The following DOK6 variants were observed in gnomAD, a reference collection of about 807,000 sequenced individuals.
The protein encoded by DOK6 is downstream of tyrosine kinase 6.
Under a neutral mutation model 44.0 loss-of-function variants are expected in DOK6, and 22 were observed. The observed-to-expected ratio is 0.50, with a 90% CI of 0.36 to 0.71. The LOEUF is 0.71. DOK6 is among the 30% of genes least tolerant of loss of function. DOK6 has a pLI of 0.00. For missense variants in DOK6, 340 were observed against 416.4 expected, an observed-to-expected ratio of 0.82 and a Z score of 1.60; for synonymous variants, 166 against 145.5, an observed-to-expected ratio of 1.14 and a Z score of -1.01.
chr18:69,660,816 A>C (rs59735809), intron 3 of DOK6: 1 of 151,700 alleles, frequency 6.6e-6, no homozygotes, highest in African/African-American at 2.4e-5. Context: ...GACTACAGGC[A>C]CCCACCACCA....
chr18:69,584,013 C>T (rs1983433785), intron 2 of DOK6, among the ~76,000 whole-genome samples: 2 of 146,898 alleles, frequency 1.4e-5, no homozygotes, highest in Admixed American at 1.4e-4. Context: ...GAGGCTGAGG[C>T]AGGAGAATGG....
intron 1 of DOK6, among the ~76,000 whole-genome samples, chr18:69,463,782 T>TCTGTGCAAATGTGTGTGTGC (rs1979853818): frequency 1.3e-5 from 2 of 152,036 alleles, no homozygotes; most frequent in Admixed American, 1.3e-4. Flanking sequence ...TGTGTGTGTG[T>TCTGTGCAAATGTGTGTGTGC]CTGTGCAAAT....
chr18:69,447,453 T>C (rs959051324), intron 1 of DOK6, among the ~76,000 whole-genome samples: 6 of 152,186 alleles, frequency 3.9e-5, no homozygotes, highest in African/African-American at 1.4e-4. Context: ...TTTTGGTTAC[T>C]GTAGCCTTGT....
chr18:69,713,171 G>A lies in DOK6; in HGVS notation c.599+14578G>A, dbSNP rs566570420. Among the ~76,000 whole-genome samples the A allele has an allele frequency of 3.5e-4, 54 of 152,220 alleles. 1 individual carries two copies. The highest frequency in any genetic ancestry group is 2.1e-4 in the South Asian group (1 of 4,824). On this transcript the variant is annotated intron_variant, in intron 5 of 7. Transcript: ENST00000382713. ...TTGAATGAGAAAGCTATTATTTATC[G>A]TTTTAAAATCATGATTAATCCAGTT...
intron 1 of DOK6, among the ~76,000 whole-genome samples, chr18:69,435,162 C>A (rs957778968): frequency 1.3e-5 from 2 of 152,028 alleles, no homozygotes; most frequent in Non-Finnish European, 1.5e-5. Flanking sequence ...CGGTCTTAGC[C>A]TGCTCCACAG....
At position 69,452,300 on chromosome 18, in the gene DOK6, C is replaced by G. The variant is rs755995191; in HGVS notation, c.66+50990C>G. Among the ~76,000 whole-genome samples the G allele has an allele frequency of 1.5e-3, 224 of 151,200 alleles. 2 individuals are homozygous for G. Among genetic ancestry groups the G allele is most frequent in the Non-Finnish European group, 2.7e-3 (184 of 67,884 alleles). ...CTACAAACACCTCTACGCAAATAAA[C>G]TAGAAAATCTAGAAGAAATGGATAC... On this transcript the variant is annotated intron_variant, in intron 1 of 7. Coordinates refer to ENST00000382713, the MANE Select transcript of DOK6 (RefSeq NM_152721.6).
At chr18:69,710,119 C>G (rs1256877527) in intron 5 of DOK6, among the ~76,000 whole-genome samples, 1 of 152,184 alleles carries the variant, frequency 6.6e-6, no homozygotes, top group Non-Finnish European at 1.5e-5. Flanking sequence ...TTTGAAACTG[C>G]ACTGAGCCAT....
At chr18:69,443,339 G>A (rs1979188510) in intron 1 of DOK6, among the ~76,000 whole-genome samples, 1 of 152,176 alleles carries the variant, frequency 6.6e-6, no homozygotes, top group Non-Finnish European at 1.5e-5. Context: ...CAGTGGTCAC[G>A]TGTGTGGAGC....
chr18:69,454,680 C>T (rs1476632196), intron 1 of DOK6, among the ~76,000 whole-genome samples: 1 of 126,050 alleles, frequency 7.9e-6, no homozygotes, highest in Non-Finnish European at 1.7e-5. Flanking sequence ...CAATTATAGA[C>T]TGGATTAAGA....
intron 1 of DOK6, among the ~76,000 whole-genome samples, chr18:69,473,467 C>A (rs1408065394): frequency 6.6e-6 from 1 of 152,120 alleles, no homozygotes; most frequent in Admixed American, 6.5e-5. Flanking sequence ...TGGTTCCTGT[C>A]GTGGTTGAGG....
intron 7 of DOK6, among the ~76,000 whole-genome samples, chr18:69,803,602 G>A (rs552275992): frequency 2.0e-5 from 3 of 152,260 alleles, no homozygotes; most frequent in Non-Finnish European, 2.9e-5. Flanking sequence ...GGTGGCTCAC[G>A]CCTATAATCC....
At chr18:69,720,331 G>A (rs970834072) in intron 5 of DOK6, among the ~76,000 whole-genome samples, 3 of 152,246 alleles carry the variant, frequency 2.0e-5, no homozygotes, top group Admixed American at 2.0e-4. Flanking sequence ...ATTATAGCAA[G>A]TGATCACCAT....
intron 1 of DOK6, among the ~76,000 whole-genome samples, chr18:69,406,210 A>G (rs1024847558): frequency 1.3e-5 from 2 of 152,206 alleles, no homozygotes; most frequent in African/African-American, 4.8e-5. Flanking sequence ...GATCTTATAT[A>G]TCTTCTACCC....
intron 5 of DOK6, among the ~76,000 whole-genome samples, chr18:69,729,538 A>G (rs1978338828): frequency 6.6e-6 from 1 of 152,140 alleles, no homozygotes; most frequent in African/African-American, 2.4e-5. Context: ...CATGAAGTCT[A>G]ACAACAGGAG....
intron 4 of DOK6, among the ~76,000 whole-genome samples, chr18:69,679,365 G>A (rs1029973765): frequency 6.6e-6 from 1 of 152,040 alleles, no homozygotes; most frequent in African/African-American, 2.4e-5. Flanking sequence ...AATGAAAAAA[G>A]TTTTTTTCTG....
intron 2 of DOK6, among the ~76,000 whole-genome samples, chr18:69,566,935 G>C (rs1009085098): frequency 6.6e-6 from 1 of 152,134 alleles, no homozygotes; most frequent in Admixed American, 6.5e-5. Flanking sequence ...ATTTTTACTA[G>C]CTTGCCCACT....
intron 1 of DOK6, among the ~76,000 whole-genome samples, chr18:69,420,978 G>C (rs1447785179): frequency 6.6e-6 from 1 of 152,094 alleles, no homozygotes; most frequent in East Asian, 1.9e-4. Flanking sequence ...AATCTCAAAG[G>C]TAATGTCACT....
chr18:69,705,409 C>T (rs570598877), intron 5 of DOK6, among the ~76,000 whole-genome samples: 1 of 152,166 alleles, frequency 6.6e-6, no homozygotes, highest in South Asian at 2.1e-4. Flanking sequence ...CTCAGATATG[C>T]TCTGATTGTT....
intron 2 of DOK6, among the ~76,000 whole-genome samples, chr18:69,573,712 T>G (rs1348695245): frequency 6.6e-6 from 1 of 151,956 alleles, no homozygotes; most frequent in Non-Finnish European, 1.5e-5. Context: ...CTAAGGCTTG[T>G]TTCTTTGTAT....
Sources: allele counts gnomAD v4.1 joint callset (sites outside exome capture counted in the v4.1 genomes callset), GRCh38; gene constraint gnomAD v4.1.1; transcripts MANE v1.5; gene names NCBI Gene and HGNC (gene_info 2026-07-23, HGNC 2026-07-21).